Variants in RMND5A observed in about 807,000 individuals in gnomAD.
RMND5A encodes required for meiotic nuclear division 5 homolog A.
In RMND5A, 17 loss-of-function variants were observed where a neutral mutation model predicts 49.7. The observed-to-expected ratio is 0.34, with a 90% CI of 0.23 to 0.51. The LOEUF (loss-of-function observed/expected upper bound fraction) is 0.51, where lower values mean the gene tolerates loss of function less well. Among genes scored for constraint, RMND5A ranks in the 20% least tolerant of loss-of-function variants. The pLI, the probability that RMND5A is intolerant of heterozygous loss-of-function variation, is 0.96. For missense variants in RMND5A, 255 were observed against 471.3 expected, an observed-to-expected ratio of 0.54 and a Z score of 4.25; for synonymous variants, 156 against 167.7, an observed-to-expected ratio of 0.93 and a Z score of 0.54.
In RMND5A at chr2:86,775,705, A is replaced by G. The variant is rs1296147864; in HGVS notation, c.*2294A>G. 1.3e-5 allele frequency: 2 copies of G among 152,194 alleles called. No homozygotes were observed. The highest frequency in any genetic ancestry group is 1.3e-4 in the Admixed American group (2 of 15,280). 9.4% of individuals were successfully genotyped at this position (152,194 alleles called of 1,614,324 possible). ...GGGCAGGGTGAGGACCAAAAATCTG[A>G]AACTCTTATGAATCTGACATATTAT... On this transcript the variant is annotated 3_prime_UTR_variant, in exon 9 of 9. Coordinates refer to ENST00000283632, the MANE Select transcript of RMND5A (RefSeq NM_022780.4).
chr2:86,721,044 C>T lies in RMND5A; in HGVS notation c.142+235C>T, dbSNP rs1272300749. On this transcript the variant is annotated intron_variant, in intron 1 of 8. Transcript: ENST00000283632. The stretch of plus-strand genomic sequence containing the variant: ...AGCGCGAACCACCCGGAAACCCAGC[C>T]GGGAGCGGCGGGCTCCAGTCCGGAT... 7 of 418,760 alleles carry T rather than the reference C, an allele frequency of 1.7e-5. No homozygotes were observed. In the East Asian group the frequency reaches 1.7e-4, roughly 10 times the overall value. 25.9% of individuals were successfully genotyped at this position (418,760 alleles called of 1,614,324 possible).
At chr2:86,768,232 C>T (rs1202250330) in intron 6 of RMND5A, among the ~76,000 whole-genome samples, 29 of 152,210 alleles carry the variant, frequency 1.9e-4, no homozygotes, top group Non-Finnish European at 2.9e-5. Flanking sequence ...GAAACCAAAA[C>T]ATTTTAAGAA....
intron 8 of RMND5A, among the ~76,000 whole-genome samples, chr2:86,772,216 G>C (rs770960069): frequency 6.6e-6 from 1 of 152,156 alleles, no homozygotes; most frequent in Admixed American, 6.5e-5. Flanking sequence ...GTGGGAGGCC[G>C]AGGCAGGCGG....
intron 3 of RMND5A, among the ~76,000 whole-genome samples, chr2:86,752,844 T>A (rs894944837): frequency 6.6e-6 from 1 of 152,252 alleles, no homozygotes; most frequent in African/African-American, 2.4e-5. Flanking sequence ...AAGCCTTTTC[T>A]ATTTTAAACA....
At chr2:86,763,741 A>G (rs938671489) in intron 4 of RMND5A, among the ~76,000 whole-genome samples, 1 of 152,104 alleles carries the variant, frequency 6.6e-6, no homozygotes, top group Non-Finnish European at 1.5e-5. Context: ...ACACTACTGC[A>G]CAGAAGCCTG....
intron 2 of RMND5A, among the ~76,000 whole-genome samples, chr2:86,742,586 G>A (rs1681467283): frequency 6.6e-6 from 1 of 151,084 alleles, no homozygotes; most frequent in Non-Finnish European, 1.5e-5. Context: ...AGAATGTGAT[G>A]GGGCACTTTA....
rs1672730567 is a variant in RMND5A, at chr2:86,774,340, G to A, written c.*929G>A. 6.6e-6 allele frequency: 1 copy of A among 152,612 alleles called. No individual in the cohort carries two copies. Among genetic ancestry groups the A allele is most frequent in the Non-Finnish European group, 1.5e-5 (1 of 68,044 alleles). 9.5% of individuals were successfully genotyped at this position (152,612 alleles called of 1,614,324 possible). ...TGTGTATCTGGAAGGAAAGCAGCAT[G>A]TTCCAGTTCTAAAATGCAGTTACCA... is the stretch of plus-strand genomic sequence containing the variant. On this transcript the variant is annotated 3_prime_UTR_variant, in exon 9 of 9. Transcript: ENST00000283632.
At chr2:86,745,462 T>C (rs1270904820) in intron 2 of RMND5A, among the ~76,000 whole-genome samples, 1 of 152,192 alleles carries the variant, frequency 6.6e-6, no homozygotes, top group Non-Finnish European at 1.5e-5. Context: ...AGATTTTTCC[T>C]TGAGGCTCGG....
intron 6 of RMND5A, among the ~76,000 whole-genome samples, chr2:86,766,775 G>A (rs1014950248): frequency 3.3e-5 from 5 of 151,978 alleles, no homozygotes; most frequent in Non-Finnish European, 7.4e-5. Flanking sequence ...AATCTCTTGA[G>A]GCCAGGAATT....
At chr2:86,755,976 C>T (rs959405411) in intron 4 of RMND5A, among the ~76,000 whole-genome samples, 2 of 152,088 alleles carry the variant, frequency 1.3e-5, no homozygotes, top group African/African-American at 4.8e-5. Context: ...GGTAAGTCAT[C>T]TTACAGAGAA....
rs575874198 is a variant in RMND5A, at chr2:86,749,590, A to G, written c.286-2306A>G. Among the ~76,000 whole-genome samples the G allele has an allele frequency of 1.8e-4, 27 of 152,138 alleles. No individual in the cohort carries two copies. The South Asian group carries it at 5.4e-3, about 30-fold the overall frequency. On this transcript the variant is annotated intron_variant, in intron 2 of 8. Transcript: ENST00000283632. ...TTTTTAGTAGAGACGAGGTTTCACC[A>G]TGTTGGCCAGGTTGGTCTTGAACTC...
At chr2:86,754,922 A>G (rs1025167528) in intron 4 of RMND5A, among the ~76,000 whole-genome samples, 1 of 152,118 alleles carries the variant, frequency 6.6e-6, no homozygotes, top group African/African-American at 2.4e-5. Context: ...CTAGACAGAA[A>G]TTCCTGTATA....
At chr2:86,729,046 G>A (rs1338816277) in intron 1 of RMND5A, among the ~76,000 whole-genome samples, 5 of 152,234 alleles carry the variant, frequency 3.3e-5, no homozygotes, top group Middle Eastern at 3.4e-3. Context: ...GAGCCACCAC[G>A]CCGGGCCCAA....
intron 4 of RMND5A, among the ~76,000 whole-genome samples, chr2:86,753,883 T>C (rs1039369223): frequency 6.6e-6 from 1 of 152,218 alleles, no homozygotes; most frequent in African/African-American, 2.4e-5. Flanking sequence ...AAGTTTGATA[T>C]TTAAGCTTCC....
Position 86,758,497 on chromosome 2 carries a change from G to A in RMND5A, c.521+4939G>A, listed in dbSNP as rs556237890. On this transcript the variant is annotated intron_variant, in intron 4 of 8. Coordinates refer to ENST00000283632, the MANE Select transcript of RMND5A (RefSeq NM_022780.4). ...ATAAGTGATGCAGCATTGAATATCCGTTGCACATTATTTTGAGCATGCCTG... is the reference window on the plus strand; with the variant it reads ...ATAAGTGATGCAGCATTGAATATCCATTGCACATTATTTTGAGCATGCCTG... 2.4e-4 allele frequency among the ~76,000 whole-genome samples: 37 copies of A among 152,108 alleles called. No homozygotes were observed. The South Asian group carries it at 6.0e-3, about 25-fold the overall frequency.
At chr2:86,721,012 C>T (rs1290055532) in intron 1 of RMND5A, 1 of 481,452 alleles carries the variant, frequency 2.1e-6, no homozygotes, top group South Asian at 3.1e-5. Flanking sequence ...GCTGCCAATT[C>T]AGAAGGAGCG....
intron 4 of RMND5A, among the ~76,000 whole-genome samples, chr2:86,759,367 A>G (rs903624156): frequency 2.0e-5 from 3 of 152,164 alleles, no homozygotes; most frequent in East Asian, 1.9e-4. Flanking sequence ...TAGTCTTCTC[A>G]TAAGTAATAT....
chr2:86,733,940 GT>G (rs1681371892), intron 1 of RMND5A, among the ~76,000 whole-genome samples: 1 of 150,334 alleles, frequency 6.7e-6, no homozygotes, highest in African/African-American at 2.5e-5. Context: ...AGCAGGTTGT[GT>G]TTTCATACAG....
chr2:86,760,529 A>G (rs1039812813), intron 4 of RMND5A, among the ~76,000 whole-genome samples: 4 of 152,230 alleles, frequency 2.6e-5, no homozygotes, highest in Non-Finnish European at 5.9e-5. Flanking sequence ...TCTTCAGTCT[A>G]CACATCTGGA....
Sources: allele counts gnomAD v4.1 joint callset (sites outside exome capture counted in the v4.1 genomes callset), GRCh38; gene constraint gnomAD v4.1.1; transcripts MANE v1.5; gene names NCBI Gene and HGNC (gene_info 2026-07-23, HGNC 2026-07-21).